MECOM: variants seen among roughly 807,000 people sequenced by gnomAD.
MECOM encodes the protein histone-lysine N-methyltransferase MECOM.
Under a neutral mutation model 116.3 loss-of-function variants are expected in MECOM, and 13 were observed. The observed-to-expected ratio is 0.11, with a 90% CI of 0.07 to 0.18. The LOEUF is 0.18. Among genes scored for constraint, MECOM ranks in the 10% least tolerant of loss-of-function variants. The pLI is 1.00. For synonymous variants in MECOM, 528 were observed against 535.2 expected, an observed-to-expected ratio of 0.99 and a Z score of 0.19; for missense variants, 1,299 against 1,509.0, an observed-to-expected ratio of 0.86 and a Z score of 2.31.
At chr3:169,179,434 C>T (rs1272675975) in intron 2 of MECOM, among the ~76,000 whole-genome samples, 1 of 147,418 alleles carries the variant, frequency 6.8e-6, no homozygotes, top group Admixed American at 6.7e-5. Flanking sequence ...GTTTCCAACC[C>T]AGCTGCTGCG....
intron 1 of MECOM, among the ~76,000 whole-genome samples, chr3:169,478,646 A>C (rs1750835468): frequency 6.6e-6 from 1 of 152,182 alleles, no homozygotes; most frequent in African/African-American, 2.4e-5. Context: ...GGTGCCTGCC[A>C]CTTCCCTAAG....
intron 2 of MECOM, among the ~76,000 whole-genome samples, chr3:169,327,088 G>T (rs764608529): frequency 6.6e-6 from 1 of 152,118 alleles, no homozygotes; most frequent in Non-Finnish European, 1.5e-5. Flanking sequence ...CAATTCCAAG[G>T]TCAACTATAG....
intron 1 of MECOM, among the ~76,000 whole-genome samples, chr3:169,593,334 G>C (rs1380039346): frequency 6.6e-6 from 1 of 152,226 alleles, no homozygotes; most frequent in African/African-American, 2.4e-5. Context: ...AGCAAGGTAT[G>C]AGAAGGAGCT....
intron 2 of MECOM, among the ~76,000 whole-genome samples, chr3:169,342,932 G>A (rs979771034): frequency 6.6e-6 from 1 of 152,160 alleles, no homozygotes; most frequent in African/African-American, 2.4e-5. Context: ...GGTGTCCTCA[G>A]TGGCAATTGG....
At chr3:169,351,097 T>A (rs983887518) in intron 2 of MECOM, among the ~76,000 whole-genome samples, 2 of 151,894 alleles carry the variant, frequency 1.3e-5, no homozygotes, top group African/African-American at 4.8e-5. Flanking sequence ...ATTCATTATA[T>A]TCTTTACAAT....
chr3:169,261,745 A>AGGAG (rs1553783512), intron 2 of MECOM, among the ~76,000 whole-genome samples: 1 of 150,348 alleles, frequency 6.7e-6, no homozygotes. Flanking sequence ...GAGAAGGAGA[A>AGGAG]AAGAAGAAGA....
chr3:169,654,277 A>T (rs897623437), intron 1 of MECOM, among the ~76,000 whole-genome samples: 1 of 152,352 alleles, frequency 6.6e-6, no homozygotes, highest in African/African-American at 2.4e-5. Context: ...TTCTGCTAGA[A>T]ATACAACTCA....
chr3:169,436,347 T>C (rs1489439845), intron 1 of MECOM, among the ~76,000 whole-genome samples: 2 of 149,176 alleles, frequency 1.3e-5, no homozygotes, highest in African/African-American at 4.9e-5. Flanking sequence ...GCCTCCCAGG[T>C]TCAAGCGATT....
chr3:169,346,924 G>A (rs1335469794), intron 2 of MECOM, among the ~76,000 whole-genome samples: 1 of 151,918 alleles, frequency 6.6e-6, no homozygotes, highest in Non-Finnish European at 1.5e-5. Context: ...GGCATTGTTT[G>A]CAATAGCAAA....
chr3:169,138,750 A>G (rs1220203593), intron 3 of MECOM, among the ~76,000 whole-genome samples: 1 of 151,100 alleles, frequency 6.6e-6, no homozygotes, highest in African/African-American at 2.5e-5. Context: ...TTTAAAAAGT[A>G]TAAAGAGGGT....
chr3:169,451,516 C>T (rs1285890810), intron 1 of MECOM, among the ~76,000 whole-genome samples: 1 of 152,150 alleles, frequency 6.6e-6, no homozygotes, highest in Non-Finnish European at 1.5e-5. Context: ...TTGTTTAACA[C>T]TACATATATC....
At chr3:169,089,318 A>G (rs1718906970) in intron 15 of MECOM, 135 bp from the exon 16 acceptor site, 3 of 542,598 alleles carry the variant, frequency 5.5e-6, no homozygotes, top group Non-Finnish European at 2.9e-6. Flanking sequence ...TGCATCAATT[A>G]TTGGGTTTTT....
At chr3:169,453,302 A>G (rs1413513377) in intron 1 of MECOM, among the ~76,000 whole-genome samples, 1 of 152,210 alleles carries the variant, frequency 6.6e-6, no homozygotes, top group East Asian at 1.9e-4. Context: ...CAAATGGCCT[A>G]TTAATTATCT....
rs368016499 is a variant in MECOM at position 169,576,838 on chromosome 3, C to CACACAGAGAGAGAG, written c.37+86497_37+86498insCTCTCTCTCTGTGT. On this transcript the variant is annotated intron_variant, in intron 1 of 16. Transcript: ENST00000651503. Reference sequence around the variant, plus strand: ...ACACACACACACACACACACACACACAGAGAGAGAGAGAGAGAGTTAAGAG... The same window carrying CACACAGAGAGAGAG: ...ACACACACACACACACACACACACACACACAGAGAGAGAGAGAGAGAGAGAGAGAGAGTTAAGAG... 4.6e-3 allele frequency among the ~76,000 whole-genome samples: 581 copies of CACACAGAGAGAGAG among 125,036 alleles called. 2 individuals carry two copies. The highest frequency in any genetic ancestry group is 0.027 in the Admixed American group (326 of 12,056). The allele number at this position is 125,036 out of a possible 152,430, so 82.0% of individuals were successfully genotyped here.
intron 10 of MECOM, among the ~76,000 whole-genome samples, chr3:169,105,334 A>G (rs964126068): frequency 1.6e-4 from 24 of 152,114 alleles, no homozygotes; most frequent in African/African-American, 5.6e-4. Context: ...ATATTGGATT[A>G]ACACGAACTC....
chr3:169,583,767 ATT>A (rs575566457), intron 1 of MECOM, among the ~76,000 whole-genome samples: 31 of 137,300 alleles, frequency 2.3e-4, no homozygotes, highest in Non-Finnish European at 2.2e-4. Context: ...CGTCTGGCTA[ATT>A]TTTTTTTTTT....
rs540996124 is a variant in MECOM, at chr3:169,389,829, A to G, written c.38-8305T>C. On this transcript the variant is annotated intron_variant, in intron 1 of 16. Coordinates refer to ENST00000651503, the MANE Select transcript of MECOM (RefSeq NM_004991.4). ...TATCTAAATTACTGTTTAAACAGGTATTTAAGAAAAGACTATCACAGTCAG... is the reference window on the plus strand; with the variant it reads ...TATCTAAATTACTGTTTAAACAGGTGTTTAAGAAAAGACTATCACAGTCAG... Among the ~76,000 whole-genome samples, 4 of 152,376 alleles carry G rather than the reference A, an allele frequency of 2.6e-5. No individual in the cohort carries two copies. The East Asian group carries it at 7.7e-4, about 29-fold the overall frequency.
intron 3 of MECOM, among the ~76,000 whole-genome samples, chr3:169,132,332 C>T (rs13324742): frequency 0.028 from 4,207 of 152,252 alleles, 207 homozygotes; most frequent in African/African-American, 0.097. Context: ...AGAGCCACTG[C>T]CTTTCTCCTG....
intron 2 of MECOM, among the ~76,000 whole-genome samples, chr3:169,263,076 GCTATATATAT>G (rs1260038699): frequency 3.2e-5 from 1 of 31,728 alleles, no homozygotes; most frequent in African/African-American, 9.5e-5. Flanking sequence ...TTTTCAAGAT[GCTATATATAT>G]ATATATATAT....
Sources: allele counts gnomAD v4.1 joint callset (sites outside exome capture counted in the v4.1 genomes callset), GRCh38; gene constraint gnomAD v4.1.1; transcripts MANE v1.5; gene names NCBI Gene and HGNC (gene_info 2026-07-23, HGNC 2026-07-21).